Variants in SPAG16 observed in about 807,000 individuals in gnomAD.
SPAG16 encodes sperm-associated antigen 16 protein.
In SPAG16, 86 loss-of-function variants were observed where a neutral mutation model predicts 80.4. The observed-to-expected ratio is 1.07, with a 90% CI of 0.90 to 1.28. The LOEUF (loss-of-function observed/expected upper bound fraction) is 1.28, where lower values mean the gene tolerates loss of function less well. Among genes scored for constraint, SPAG16 ranks in the 50% most tolerant of loss-of-function variants. The pLI is 0.00. For missense variants in SPAG16, 870 were observed against 765.3 expected (o/e 1.14, Z -1.61); for synonymous variants, 294 against 265.9 (o/e 1.11, Z -1.03).
At chr2:214,110,590 T>C (rs1353173026) in intron 14 of SPAG16, among the ~76,000 whole-genome samples, 16 of 152,230 alleles carry the variant, frequency 1.1e-4, no homozygotes, top group Admixed American at 7.9e-4. Flanking sequence ...AGTGCTGCAA[T>C]AAACATATGT....
At position 214,247,115 on chromosome 2, in the gene SPAG16, G is replaced by A. The variant is rs114619607; in HGVS notation, c.1720+97849G>A. Among the ~76,000 whole-genome samples, 1,025 of 152,224 alleles carry A rather than the reference G, an allele frequency of 6.7e-3. 8 individuals carry two copies. Among genetic ancestry groups the A allele is most frequent in the African/African-American group, 0.024 (980 of 41,546 alleles). On this transcript the variant is annotated intron_variant, in intron 15 of 15. Transcript: ENST00000331683. Reference sequence around the variant, plus strand: ...AATTTTTGAGGGCTACAGGCTGGGTGTGTATAGTCTACTCTTTGTGGCTTT... The same window carrying A: ...AATTTTTGAGGGCTACAGGCTGGGTATGTATAGTCTACTCTTTGTGGCTTT...
At chr2:213,739,938 A>G (rs1018152032) in intron 10 of SPAG16, among the ~76,000 whole-genome samples, 1 of 152,172 alleles carries the variant, frequency 6.6e-6, no homozygotes. Flanking sequence ...TTAAATATAA[A>G]TATAACTTGT....
intron 13 of SPAG16, among the ~76,000 whole-genome samples, chr2:214,043,897 T>A (rs2049170568): frequency 6.6e-6 from 1 of 152,136 alleles, no homozygotes; most frequent in African/African-American, 2.4e-5. Context: ...CACACAAGCA[T>A]ATGTATACAT....
intron 10 of SPAG16, among the ~76,000 whole-genome samples, chr2:213,759,837 C>A (rs1294464863): frequency 6.6e-6 from 1 of 152,030 alleles, no homozygotes; most frequent in Admixed American, 6.6e-5. Context: ...GAGATCGAAA[C>A]CATCCTGGCC....
At chr2:213,465,066 C>T (rs1055552967) in intron 9 of SPAG16, among the ~76,000 whole-genome samples, 1 of 152,156 alleles carries the variant, frequency 6.6e-6, no homozygotes, top group African/African-American at 2.4e-5. Flanking sequence ...TCATCTATCT[C>T]CTTTTGGTGG....
chr2:213,804,108 T>A (rs1370764662), intron 10 of SPAG16, among the ~76,000 whole-genome samples: 1 of 152,146 alleles, frequency 6.6e-6, no homozygotes, highest in Non-Finnish European at 1.5e-5. Context: ...CTATTATAGA[T>A]CAAGTAGTGG....
chr2:213,366,917 C>T (rs2066328049), intron 8 of SPAG16, among the ~76,000 whole-genome samples: 1 of 152,050 alleles, frequency 6.6e-6, no homozygotes, highest in Non-Finnish European at 1.5e-5. Context: ...AGATATATCT[C>T]CTAATGGTAT....
chr2:214,348,653 C>A (rs1698208924), intron 15 of SPAG16, among the ~76,000 whole-genome samples: 1 of 152,262 alleles, frequency 6.6e-6, no homozygotes, highest in African/African-American at 2.4e-5. Flanking sequence ...CTTAGCCTTC[C>A]AGCCATCCCC....
At chr2:213,937,459 C>A (rs1384529849) in intron 12 of SPAG16, among the ~76,000 whole-genome samples, 1 of 151,656 alleles carries the variant, frequency 6.6e-6, no homozygotes, top group Admixed American at 6.6e-5. Flanking sequence ...TTAAATTGAC[C>A]TCTTGTGATC....
intron 13 of SPAG16, among the ~76,000 whole-genome samples, chr2:214,073,593 A>T (rs963271779): frequency 1.3e-5 from 2 of 152,082 alleles, no homozygotes; most frequent in Admixed American, 6.5e-5. Flanking sequence ...CATTGGAAGA[A>T]CTCAATAGCA....
chr2:213,542,997 C>G (rs1035356940), intron 10 of SPAG16, among the ~76,000 whole-genome samples: 3 of 151,974 alleles, frequency 2.0e-5, no homozygotes, highest in African/African-American at 7.2e-5. Flanking sequence ...CCAGACTGAT[C>G]AGAAAGAAAG....
chr2:213,971,924 C>G (rs1184512607), intron 12 of SPAG16, among the ~76,000 whole-genome samples: 1 of 149,818 alleles, frequency 6.7e-6, no homozygotes, highest in Non-Finnish European at 1.5e-5. Flanking sequence ...CAAGTGATAT[C>G]TAATTGTGTG....
At chr2:214,306,353 T>G (rs889634649) in intron 15 of SPAG16, among the ~76,000 whole-genome samples, 1 of 152,164 alleles carries the variant, frequency 6.6e-6, no homozygotes, top group Non-Finnish European at 1.5e-5. Context: ...CTCTTCCTAT[T>G]TGCATGCCTT....
At chr2:214,063,550 T>C (rs1338708478) in intron 13 of SPAG16, among the ~76,000 whole-genome samples, 7 of 152,154 alleles carry the variant, frequency 4.6e-5, no homozygotes, top group African/African-American at 1.7e-4. Flanking sequence ...ACTAATTCCA[T>C]TCATGAAGGC....
In SPAG16 at chr2:213,942,709, C is replaced by A. The variant is rs138522227; in HGVS notation, c.1400+12564C>A. Among the ~76,000 whole-genome samples the A allele has an allele frequency of 2.0e-5, 3 of 152,232 alleles. No homozygotes were observed. The East Asian group carries it at 5.8e-4, about 29-fold the overall frequency. On this transcript the variant is annotated intron_variant, in intron 12 of 15. Transcript: ENST00000331683. The stretch of plus-strand genomic sequence containing the variant: ...CCAATGAACAAGAACTCATTTAAAC[C>A]TTTACTTACTATTATATCATTGACC...
intron 1 of SPAG16, among the ~76,000 whole-genome samples, chr2:213,287,715 T>A (rs546642452): frequency 3.9e-5 from 6 of 152,236 alleles, no homozygotes; most frequent in Admixed American, 3.3e-4. Flanking sequence ...TTAAGCCAGT[T>A]CTGTGAAGCT....
chr2:213,873,076 A>G (rs1376527024), intron 11 of SPAG16, among the ~76,000 whole-genome samples: 2 of 152,086 alleles, frequency 1.3e-5, no homozygotes, highest in Non-Finnish European at 2.9e-5. Flanking sequence ...GGCCTCACAG[A>G]ATAAGTTAGG....
At chr2:213,600,238 C>T (rs1165761623) in intron 10 of SPAG16, among the ~76,000 whole-genome samples, 1 of 152,194 alleles carries the variant, frequency 6.6e-6, no homozygotes, top group African/African-American at 2.4e-5. Context: ...CTCCAACTCT[C>T]CATTTCAAGA....
chr2:214,115,946 A>G (rs1215563471), intron 14 of SPAG16, among the ~76,000 whole-genome samples: 2 of 151,970 alleles, frequency 1.3e-5, no homozygotes, highest in Non-Finnish European at 2.9e-5. Context: ...ATCCACAGAC[A>G]AAAGTCTATC....
Sources: allele counts gnomAD v4.1 joint callset (sites outside exome capture counted in the v4.1 genomes callset), GRCh38; gene constraint gnomAD v4.1.1; transcripts MANE v1.5; gene names NCBI Gene and HGNC (gene_info 2026-07-23, HGNC 2026-07-21).